The following MTTP variants were observed in gnomAD, a reference collection of about 807,000 sequenced individuals.
MTTP encodes the protein microsomal triglyceride transfer protein.
MTTP carries 49 observed loss-of-function variants against 90.6 expected under a neutral mutation model. That is an observed-to-expected ratio of 0.54 (90% CI 0.43 to 0.69). The LOEUF (loss-of-function observed/expected upper bound fraction) is 0.69, where lower values mean the gene tolerates loss of function less well. Ranked by LOEUF, MTTP falls within the 30% of genes least tolerant of loss-of-function variation. The probability of loss-of-function intolerance (pLI) is 0.00; values close to 1 mark genes in which losing one functional copy is unlikely to be tolerated. For missense variants in MTTP, 945 were observed against 1,067.5 expected (o/e 0.89, Z 1.60); for synonymous variants, 347 against 384.2 (o/e 0.90, Z 1.13).
Position 99,606,786 on chromosome 4 carries a change from T to C in MTTP, c.1383T>C (p.Leu461=). 1 of 1,613,920 alleles carries C rather than the reference T, an allele frequency of 6.2e-7. No homozygotes were observed. The highest frequency in any genetic ancestry group is 8.5e-7 in the Non-Finnish European group (1 of 1,179,980). Residue 461 remains leucine (L), a synonymous_variant, in exon 11 of 18, where the codon CTT becomes CTC. Transcript: ENST00000265517. ...VEAKKLILGG[L]EKAEKKEDTR... ...CTAAGAAGTTAATCCTGGGAGGACT[T>C]GAAAAAGCAGAGAAAAAAGAGGACA...
At chr4:99,620,648 T>G (rs1375513246) in intron 16 of MTTP, among the ~76,000 whole-genome samples, 1 of 152,216 alleles carries the variant, frequency 6.6e-6, no homozygotes, top group Non-Finnish European at 1.5e-5. Context: ...AGAGAGATAG[T>G]TAACAAAAAA....
intron 11 of MTTP, among the ~76,000 whole-genome samples, chr4:99,607,957 TA>T (rs35586439): frequency 1.3e-5 from 2 of 149,722 alleles, no homozygotes; most frequent in Admixed American, 6.6e-5. Context: ...AACTGCTCTT[TA>T]AAAAGTCTAT....
intron 5 of MTTP, 115 bp downstream of exon 5, chr4:99,591,466 A>G: frequency 8.7e-7 from 1 of 1,145,276 alleles, no homozygotes; most frequent in East Asian, 2.6e-5. Context: ...TGTAATTTTT[A>G]GTTTAGGCTA....
At chr4:99,607,286 A>T (rs901015596) in intron 11 of MTTP, among the ~76,000 whole-genome samples, 4 of 152,226 alleles carry the variant, frequency 2.6e-5, no homozygotes, top group African/African-American at 7.2e-5. Context: ...TTTAAGTATA[A>T]CTTTGTTTGT....
At chr4:99,609,858 C>G (rs1176141448) in intron 12 of MTTP, among the ~76,000 whole-genome samples, 1 of 152,166 alleles carries the variant, frequency 6.6e-6, no homozygotes, top group African/African-American at 2.4e-5. Context: ...CCATGTATTT[C>G]TAGTTGAACG....
chr4:99,622,636 A>G, intron 17 of MTTP, 41 bp from the exon 18 acceptor site: 1 of 1,606,416 alleles, frequency 6.2e-7, no homozygotes, highest in Non-Finnish European at 8.5e-7. Context: ...GGGTGACTTA[A>G]CTGTGTGTGT....
In MTTP at chr4:99,611,324, G is replaced by A; in HGVS notation, c.1868-8G>A. The A allele has an allele frequency of 6.2e-7, 1 of 1,614,040 alleles. No homozygotes were observed. The highest frequency in any genetic ancestry group is 8.5e-7 in the Non-Finnish European group (1 of 1,179,962). ...TGCTATTAAATTACAGTTATTGTGT[G>A]TCATCAGGTAGTCCCCGTTCGGCAT... is the stretch of plus-strand genomic sequence containing the variant. On this transcript the variant is annotated splice_region_variant and splice_polypyrimidine_tract_variant and intron_variant, in intron 13 of 17. Transcript: ENST00000265517.
rs570889847 is a variant in MTTP at position 99,609,633 on chromosome 4, G to C, written c.1769+656G>C. Among the ~76,000 whole-genome samples, 113 of 152,234 alleles carry C rather than the reference G, an allele frequency of 7.4e-4. No homozygotes were observed. The Middle Eastern group carries it at 0.01, about 14-fold the overall frequency. Reference sequence around the variant, plus strand: ...AGAACACTACCCCCACGAAAGATCAGATTTAAGCATTCACCACAGAGATTG... The same window carrying C: ...AGAACACTACCCCCACGAAAGATCACATTTAAGCATTCACCACAGAGATTG... On this transcript the variant is annotated intron_variant, in intron 12 of 17. Transcript: ENST00000265517.
Position 99,613,141 on chromosome 4 carries a change from G to A in MTTP, c.2217+1G>A. On this transcript the variant is annotated splice_donor_variant, in intron 15 of 17. Coordinates refer to ENST00000265517, the MANE Select transcript of MTTP (RefSeq NM_001386140.1). LOFTEE classifies it high-confidence loss of function. ...TATTCTGCTAATAGATCATTCTCAGGTAATTCATTCAGTCTGTGAGTATTT... is the reference window on the plus strand; with the variant it reads ...TATTCTGCTAATAGATCATTCTCAGATAATTCATTCAGTCTGTGAGTATTT... 2 of 1,610,576 alleles carry A rather than the reference G, an allele frequency of 1.2e-6. No individual in the cohort carries two copies. The highest frequency in any genetic ancestry group is 1.7e-6 in the Non-Finnish European group (2 of 1,177,486).
upstream of MTTP, chr4:99,574,698 C>G: frequency 9.1e-7 from 1 of 1,098,572 alleles, no homozygotes; most frequent in Non-Finnish European, 1.3e-6. Flanking sequence ...AGACTGAAAA[C>G]TGCAGCCCAC....
chr4:99,615,141 A>G (rs1726068067), intron 15 of MTTP, among the ~76,000 whole-genome samples: 1 of 152,248 alleles, frequency 6.6e-6, no homozygotes, highest in Non-Finnish European at 1.5e-5. Context: ...GTGTAAAACC[A>G]TGAGGAGTAA....
At chr4:99,587,035 T>A (rs992375508) in intron 3 of MTTP, among the ~76,000 whole-genome samples, 1 of 152,322 alleles carries the variant, frequency 6.6e-6, no homozygotes, top group South Asian at 2.1e-4. Context: ...CTGAATGAAG[T>A]AATCAACTTT....
chr4:99,617,977 G>T (rs1230710430), intron 15 of MTTP, among the ~76,000 whole-genome samples: 1 of 152,004 alleles, frequency 6.6e-6, no homozygotes, highest in Non-Finnish European at 1.5e-5. Context: ...GTATACAGTT[G>T]GCGTCTCTGT....
At chr4:99,585,977 G>A (rs1369435943) in intron 3 of MTTP, among the ~76,000 whole-genome samples, 4 of 152,094 alleles carry the variant, frequency 2.6e-5, no homozygotes, top group African/African-American at 9.7e-5. Flanking sequence ...TTATGGACAG[G>A]CAGAGTAAGG....
At chr4:99,601,511 T>C in intron 9 of MTTP, 96 bp from the exon 10 acceptor site, 1 of 981,530 alleles carries the variant, frequency 1.0e-6, no homozygotes, top group Non-Finnish European at 1.6e-6. Flanking sequence ...AACATAAAAA[T>C]ACTTTACCAA....
At chr4:99,591,020 A>T (rs1007069542) in intron 4 of MTTP, among the ~76,000 whole-genome samples, 1 of 152,160 alleles carries the variant, frequency 6.6e-6, no homozygotes, top group East Asian at 1.9e-4. Flanking sequence ...GTGAAAAAAA[A>T]TGAGAAGGCG....
At chr4:99,607,773 G>T (rs1436107767) in intron 11 of MTTP, among the ~76,000 whole-genome samples, 2 of 152,122 alleles carry the variant, frequency 1.3e-5, no homozygotes, top group Non-Finnish European at 2.9e-5. Flanking sequence ...AAAACAAAAG[G>T]ATCCTAATGT....
intron 11 of MTTP, among the ~76,000 whole-genome samples, 192 bp downstream of exon 11, chr4:99,607,152 A>G (rs528803406): frequency 6.7e-6 from 1 of 149,432 alleles, no homozygotes; most frequent in African/African-American, 2.5e-5. Context: ...TCCTATATCT[A>G]TATCCTGAAG....
Position 99,622,979 on chromosome 4 carries a change from C to CA in MTTP, c.*137dup. 1 of 1,106,526 alleles carries CA rather than the reference C, an allele frequency of 9.0e-7. No individual in the cohort carries two copies. Among genetic ancestry groups the CA allele is most frequent in the Non-Finnish European group, 1.4e-6 (1 of 735,078 alleles). The allele number at this position is 1,106,526 out of a possible 1,614,324, so 68.5% of individuals were successfully genotyped here. A position where few individuals can be genotyped will look rare whatever the true frequency, so the allele number is the denominator to read the frequency against. ...TATTTAAGATTTTTGTAAAAAGCTA[C>CA]AAAAAACTGCAGTTTGATCAAATTT... is the stretch of plus-strand genomic sequence containing the variant. On this transcript the variant is annotated 3_prime_UTR_variant, in exon 18 of 18. Transcript: ENST00000265517.
Sources: allele counts gnomAD v4.1 joint callset (sites outside exome capture counted in the v4.1 genomes callset), GRCh38; gene constraint gnomAD v4.1.1; transcripts MANE v1.5; gene names NCBI Gene and HGNC (gene_info 2026-07-23, HGNC 2026-07-21).